LMBRD2: variants seen among roughly 807,000 people sequenced by gnomAD.
LMBRD2 encodes LMBR1 domain containing 2.
A neutral mutation model predicts 94.4 loss-of-function variants in LMBRD2; 55 were observed. The observed-to-expected ratio is 0.58, with a 90% CI of 0.47 to 0.73. The LOEUF (loss-of-function observed/expected upper bound fraction) is 0.73. LMBRD2 is among the 30% of genes least tolerant of loss of function. The pLI is 0.00. For missense variants in LMBRD2, 640 were observed against 831.9 expected (o/e 0.77, Z 2.84); for synonymous variants, 246 against 272.4 (o/e 0.90, Z 0.95).
At chr5:36,149,273 G>A (rs1435463104) in intron 1 of LMBRD2, among the ~76,000 whole-genome samples, 1 of 152,136 alleles carries the variant, frequency 6.6e-6, no homozygotes, top group Admixed American at 6.5e-5. Flanking sequence ...TACATTAGGG[G>A]GTGATAAGGG....
intron 4 of LMBRD2, among the ~76,000 whole-genome samples, chr5:36,139,147 C>G (rs1385675803): frequency 6.6e-6 from 1 of 152,228 alleles, no homozygotes; most frequent in Non-Finnish European, 1.5e-5. Context: ...CATACCCCTA[C>G]AGGCTTGGAA....
Position 36,122,268 on chromosome 5 carries a change from C to A in LMBRD2, c.1120+12G>T. 1 of 1,540,646 alleles carries A rather than the reference C, an allele frequency of 6.5e-7. No homozygotes were observed. Among genetic ancestry groups the A allele is most frequent in the South Asian group, 1.2e-5 (1 of 80,822 alleles). On this transcript the variant is annotated intron_variant, in intron 9 of 17. Coordinates refer to ENST00000296603, the MANE Select transcript of LMBRD2 (RefSeq NM_001007527.2). ...CATCATTAAAGTTTGAAATTTATAT[C>A]AAATTACATACCAAATGTAGGATTA... is the stretch of plus-strand genomic sequence containing the variant.
intron 13 of LMBRD2, among the ~76,000 whole-genome samples, chr5:36,111,885 AG>A (rs1326549677): frequency 2.0e-5 from 3 of 152,122 alleles, no homozygotes; most frequent in African/African-American, 7.2e-5. Flanking sequence ...AACAGGCCTA[AG>A]GGGTTAAATA....
chr5:36,141,098 G>A lies in LMBRD2; in HGVS notation c.368+9C>T, dbSNP rs771964727. 3.9e-5 allele frequency: 58 copies of A among 1,504,250 alleles called. No homozygotes were observed. The East Asian group carries it at 1.3e-3, about 34-fold the overall frequency. The allele number at this position is 1,504,250 out of a possible 1,614,324, so 93.2% of individuals were successfully genotyped here. On this transcript the variant is annotated intron_variant, in intron 4 of 17. Transcript: ENST00000296603. ...AATTTTAAAAATTTTATCATTTACT[G>A]TAACTTACCATGTTAAAAATTGTGA...
At chr5:36,123,649 T>C (rs1743938855) in intron 7 of LMBRD2, among the ~76,000 whole-genome samples, 1 of 151,466 alleles carries the variant, frequency 6.6e-6, no homozygotes, top group Non-Finnish European at 1.5e-5. Context: ...ATACCCCTAA[T>C]TCAATACCAA....
chr5:36,105,297 A>C, intron 16 of LMBRD2, 100 bp from the exon 17 acceptor site: 1 of 1,013,366 alleles, frequency 9.9e-7, no homozygotes, highest in Non-Finnish European at 1.5e-6. Flanking sequence ...ATTCCAAGGA[A>C]TCTGAAGACA....
chr5:36,112,741 C>T (rs983252575), intron 13 of LMBRD2, among the ~76,000 whole-genome samples: 6 of 152,104 alleles, frequency 3.9e-5, no homozygotes, highest in African/African-American at 1.4e-4. Context: ...ACTATTCTGC[C>T]CCATATCACT....
intron 12 of LMBRD2, 121 bp from the exon 13 acceptor site, chr5:36,114,642 G>T: frequency 8.3e-7 from 1 of 1,211,082 alleles, no homozygotes; most frequent in Non-Finnish European, 1.1e-6. Context: ...TTAAAAAGTA[G>T]AAAAAAAGCA....
rs974071059 is a variant in LMBRD2 at position 36,099,207 on chromosome 5, T to C, written c.*4839A>G. On this transcript the variant is annotated 3_prime_UTR_variant, in exon 18 of 18. Transcript: ENST00000296603. ...AGGTCTGGGCAGAACTTATTTGAGA[T>C]AGATTTTAAAACTATTTAAAAGCAA... 5 of 152,114 alleles carry C rather than the reference T, an allele frequency of 3.3e-5. No homozygotes were observed. Among genetic ancestry groups the C allele is most frequent in the African/African-American group, 9.7e-5 (4 of 41,438 alleles). 9.4% of individuals were successfully genotyped at this position (152,114 alleles called of 1,614,324 possible). A position where few individuals can be genotyped will look rare whatever the true frequency, so the allele number is the denominator to read the frequency against.
intron 6 of LMBRD2, among the ~76,000 whole-genome samples, chr5:36,133,988 G>A (rs1380974903): frequency 6.6e-6 from 1 of 151,598 alleles, no homozygotes; most frequent in East Asian, 1.9e-4. Flanking sequence ...ACCAACTTTT[G>A]GATGGAACGC....
chr5:36,145,109 T>C (rs561409237), intron 1 of LMBRD2, among the ~76,000 whole-genome samples: 9 of 152,342 alleles, frequency 5.9e-5, no homozygotes, highest in African/African-American at 2.2e-4. Context: ...TTGACTATTT[T>C]ATTCCATACT....
chr5:36,139,021 G>A (rs1293969482), intron 4 of LMBRD2, among the ~76,000 whole-genome samples: 1 of 152,146 alleles, frequency 6.6e-6, no homozygotes, highest in Admixed American at 6.5e-5. Context: ...AGAGGTGGGA[G>A]CCCCACCCCC....
intron 3 of LMBRD2, among the ~76,000 whole-genome samples, chr5:36,142,292 AAG>A (rs1744428315): frequency 6.6e-6 from 1 of 152,238 alleles, no homozygotes; most frequent in African/African-American, 2.4e-5. Context: ...CCGTCTACTG[AAG>A]GGCTTTGTGG....
chr5:36,143,216 C>T lies in LMBRD2; in HGVS notation c.134G>A (p.Cys45Tyr), dbSNP rs1326563780. The T allele has an allele frequency of 6.2e-7, 1 of 1,612,718 alleles. No individual in the cohort carries two copies. The highest frequency in any genetic ancestry group is 1.3e-5 in the African/African-American group (1 of 74,948). Residue 45 changes from cysteine (C) to tyrosine (Y), a missense_variant, in exon 2 of 18, where the codon TGC (cysteine) becomes TAC (tyrosine). Cys to Tyr is a radical substitution (Grantham distance 194). Coordinates refer to ENST00000296603, the MANE Select transcript of LMBRD2 (RefSeq NM_001007527.2). ...IIGTLLAWYL[C>Y]FLIVFILPLD... The stretch of plus-strand genomic sequence containing the variant: ...AGGCAGTATGAAGACAATAAGAAAG[C>T]AGAGATACCAAGCAAGCAGTGTTCC...
chr5:36,122,187 T>C (rs1743901243), intron 9 of LMBRD2, 93 bp downstream of exon 9: 1 of 866,886 alleles, frequency 1.2e-6, no homozygotes, highest in Non-Finnish European at 1.8e-6. Flanking sequence ...ATAATACAAA[T>C]AAAATTCAAC....
Position 36,109,946 on chromosome 5 carries a change from C to T in LMBRD2, c.1790G>A (p.Arg597Lys), listed in dbSNP as rs748409023. 1.2e-6 allele frequency: 2 copies of T among 1,601,842 alleles called. No individual in the cohort carries two copies. The highest frequency in any genetic ancestry group is 1.7e-6 in the Non-Finnish European group (2 of 1,169,912). Residue 597 changes from arginine to lysine, a missense_variant and splice_region_variant, in exon 15 of 18, where the codon AGA (arginine) becomes AAA (lysine). Physicochemically the swap from Arg to Lys is conservative, Grantham distance 26. Around this residue, in one of 2 missense-constraint regions of LMBRD2, gnomAD observed 183 missense variants for 189.1 expected, o/e 0.97. Coordinates refer to ENST00000296603, the MANE Select transcript of LMBRD2 (RefSeq NM_001007527.2). ...QRQEEGENRR[R>K]EWKERYGHNR... ...TACAGAAATTAATACTGTACTTACT[C>T]TTCTTCGATTTTCACCTTCTTCTTG...
chr5:36,150,761 C>A (rs927564342), intron 1 of LMBRD2, among the ~76,000 whole-genome samples: 3 of 152,198 alleles, frequency 2.0e-5, no homozygotes, highest in African/African-American at 4.8e-5. Context: ...TCTCATCTTT[C>A]AAGAACGAGC....
At chr5:36,130,962 A>T (rs1330319181) in intron 6 of LMBRD2, among the ~76,000 whole-genome samples, 1 of 152,174 alleles carries the variant, frequency 6.6e-6, no homozygotes, top group Admixed American at 6.5e-5. Flanking sequence ...ACAGAGGAGG[A>T]GGGATACTTC....
rs1743355680 is a variant in LMBRD2 at position 36,102,017 on chromosome 5, T to G, written c.*2029A>C. On this transcript the variant is annotated 3_prime_UTR_variant, in exon 18 of 18. Transcript: ENST00000296603. ...CAAAACCTGATGAGAAACATTATAC[T>G]TAAGAAATTATTCCAAAGTAAACCC... 6.6e-6 allele frequency: 1 copy of G among 151,870 alleles called. No individual in the cohort carries two copies. The highest frequency in any genetic ancestry group is 1.5e-5 in the Non-Finnish European group (1 of 67,816). 9.4% of individuals were successfully genotyped at this position (151,870 alleles called of 1,614,324 possible).
Sources: allele counts gnomAD v4.1 joint callset (sites outside exome capture counted in the v4.1 genomes callset), GRCh38; gene constraint gnomAD v4.1.1; regional missense constraint gnomAD v4.1.1; transcripts MANE v1.5; gene names NCBI Gene and HGNC (gene_info 2026-07-23, HGNC 2026-07-21).